Variants in TTC6 observed in about 807,000 individuals in gnomAD.
TTC6 encodes the protein tetratricopeptide repeat protein 6.
Under a neutral mutation model 210.4 loss-of-function variants are expected in TTC6, and 172 were observed. That is an observed-to-expected ratio of 0.82 (90% CI 0.72 to 0.93). The LOEUF is 0.93. Ranked by LOEUF, TTC6 falls within the 40% of genes least tolerant of loss-of-function variation. The pLI is 0.00. For missense variants in TTC6, 2,414 were observed against 2,318.1 expected (o/e 1.04, Z -0.85); for synonymous variants, 804 against 819.6 (o/e 0.98, Z 0.32).
chr14:37,638,044 T>C (rs768732182), intron 1 of TTC6, among the ~76,000 whole-genome samples: 6 of 152,268 alleles, frequency 3.9e-5, no homozygotes, highest in Non-Finnish European at 5.9e-5. Context: ...ATGTTCCTAG[T>C]GGCTTTTTTC....
At chr14:37,734,654 T>A (rs2095896737) in intron 7 of TTC6, among the ~76,000 whole-genome samples, 1 of 152,184 alleles carries the variant, frequency 6.6e-6, no homozygotes, top group African/African-American at 2.4e-5. Context: ...GCATCCCAGC[T>A]TTTATTGCAT....
chr14:37,789,596 T>TTATATATA (rs1283814571), intron 15 of TTC6, among the ~76,000 whole-genome samples: 4,431 of 134,352 alleles, frequency 0.033, 150 homozygotes, highest in African/African-American at 0.082. Context: ...TGGTTTCCTC[T>TTATATATA]TATATATATA....
At chr14:37,614,624 C>T (rs988420616) in intron 2 of TTC6, among the ~76,000 whole-genome samples, 1 of 150,710 alleles carries the variant, frequency 6.6e-6, no homozygotes. Context: ...TTCCTATCCG[C>T]TGGTGAGTAA....
chr14:37,711,909 A>G (rs1366492899), intron 5 of TTC6, among the ~76,000 whole-genome samples: 1 of 152,088 alleles, frequency 6.6e-6, no homozygotes, highest in Non-Finnish European at 1.5e-5. Flanking sequence ...TGAGGAAGAG[A>G]TTGGTGATGA....
rs760816331 is a variant in TTC6 at position 37,817,656 on chromosome 14, GGAGTGCAATT to G, written c.4763+8_4763+17del. The G allele has an allele frequency of 6.2e-7, 1 of 1,613,820 alleles. No individual in the cohort carries two copies. The highest frequency in any genetic ancestry group is 1.7e-5 in the Admixed American group (1 of 60,010). ...CACTGCCATGTGCCATCACAGGTAT[GGAGTGCAATT>G]GATGTCAAAGTGGAATCAAGCAGGA... On this transcript the variant is annotated splice_donor_region_variant and intron_variant, in intron 26 of 30. Transcript: ENST00000553443.
Position 37,750,932 on chromosome 14 carries a change from GAA to G in TTC6, c.2957-119_2957-118del, listed in dbSNP as rs2095949987. 1.2e-5 allele frequency: 6 copies of G among 521,136 alleles called. No individual in the cohort carries two copies. In the South Asian group the frequency reaches 2.9e-4, roughly 25 times the overall value. 32.3% of individuals were successfully genotyped at this position (521,136 alleles called of 1,614,324 possible). A position where few individuals can be genotyped will look rare whatever the true frequency, so the allele number is the denominator to read the frequency against. ...AGAATAAAATAAGATAAACTAATAA[GAA>G]AGTGTAATAGAGAAAAATTATTTTG... is the stretch of plus-strand genomic sequence containing the variant. On this transcript the variant is annotated intron_variant, in intron 12 of 30. Transcript: ENST00000553443.
chr14:37,745,609 A>G (rs537697346), intron 10 of TTC6, among the ~76,000 whole-genome samples: 45 of 152,314 alleles, frequency 3.0e-4, no homozygotes, highest in African/African-American at 1.1e-3. Context: ...TCCATGTCTT[A>G]CTAGGTCCAC....
intron 14 of TTC6, among the ~76,000 whole-genome samples, chr14:37,761,480 A>G (rs2095984341): frequency 6.6e-6 from 1 of 152,028 alleles, no homozygotes; most frequent in Non-Finnish European, 1.5e-5. Context: ...TTTTTAAGGT[A>G]AAATAAAGCT....
intron 25 of TTC6, among the ~76,000 whole-genome samples, chr14:37,813,994 T>C (rs2096135715): frequency 6.6e-6 from 1 of 152,218 alleles, no homozygotes; most frequent in Non-Finnish European, 1.5e-5. Context: ...TCCAACTGGC[T>C]TAAGGTTCCA....
At chr14:37,663,909 A>G (rs541776915) in intron 1 of TTC6, among the ~76,000 whole-genome samples, 1 of 152,258 alleles carries the variant, frequency 6.6e-6, no homozygotes, top group African/African-American at 2.4e-5. Context: ...CACAATTGCT[A>G]CAGAAAGAAT....
At chr14:37,724,440 G>T (rs1038881757) in intron 6 of TTC6, among the ~76,000 whole-genome samples, 3 of 151,968 alleles carry the variant, frequency 2.0e-5, no homozygotes, top group African/African-American at 7.3e-5. Context: ...CATAATTTTT[G>T]TGTTTTAGTG....
intron 25 of TTC6, among the ~76,000 whole-genome samples, chr14:37,814,430 A>T (rs2139447770): frequency 6.6e-6 from 1 of 152,336 alleles, no homozygotes; most frequent in South Asian, 2.1e-4. Flanking sequence ...AATATAAAAA[A>T]ATATTAAAAG....
intron 7 of TTC6, among the ~76,000 whole-genome samples, chr14:37,731,635 C>T (rs1416566741): frequency 6.6e-6 from 1 of 152,110 alleles, no homozygotes; most frequent in African/African-American, 2.4e-5. Flanking sequence ...GATTGTTAAA[C>T]ATTGTTTATG....
intron 7 of TTC6, among the ~76,000 whole-genome samples, chr14:37,733,853 T>A (rs2095894372): frequency 6.6e-6 from 1 of 152,158 alleles, no homozygotes. Context: ...TGCTTGGTAT[T>A]GGATTCTGGA....
intron 14 of TTC6, among the ~76,000 whole-genome samples, chr14:37,777,025 G>A (rs1295848876): frequency 6.6e-6 from 1 of 152,114 alleles, no homozygotes; most frequent in Non-Finnish European, 1.5e-5. Context: ...GCTACCTTTA[G>A]CATTTTTTTC....
In TTC6 at chr14:37,613,977, A is replaced by G. The variant is rs575186184; in HGVS notation, c.-155+7235A>G. 8.6e-5 allele frequency among the ~76,000 whole-genome samples: 13 copies of G among 151,774 alleles called. No homozygotes were observed. The South Asian group carries it at 2.7e-3, about 32-fold the overall frequency. On this transcript the variant is annotated intron_variant, in intron 2 of 2. Transcript: ENST00000556845. ...ATTGATTTATATCCTTATATTTATT[A>G]TTTCCTTCCATTAGTTTGAGTATGC...
At chr14:37,724,490 G>A (rs1191208234) in intron 6 of TTC6, among the ~76,000 whole-genome samples, 1 of 152,026 alleles carries the variant, frequency 6.6e-6, no homozygotes, top group African/African-American at 2.4e-5. Context: ...TTTTATTTAT[G>A]TTACTCTATT....
chr14:37,751,682 G>A (rs2095952450), intron 13 of TTC6, among the ~76,000 whole-genome samples: 1 of 152,012 alleles, frequency 6.6e-6, no homozygotes, highest in Non-Finnish European at 1.5e-5. Context: ...TCACTCATTC[G>A]CTTGCTTGAA....
intron 1 of TTC6, among the ~76,000 whole-genome samples, chr14:37,678,014 T>A (rs2138526899): frequency 6.6e-6 from 1 of 152,296 alleles, no homozygotes; most frequent in African/African-American, 2.4e-5. Flanking sequence ...GGTCTTTTTG[T>A]ATGATTTTCT....
Sources: allele counts gnomAD v4.1 joint callset (sites outside exome capture counted in the v4.1 genomes callset), GRCh38; gene constraint gnomAD v4.1.1; transcripts MANE v1.5; gene names NCBI Gene and HGNC (gene_info 2026-07-23, HGNC 2026-07-21).